ITPR2: variants seen among roughly 807,000 people sequenced by gnomAD.
ITPR2 encodes inositol 1,4,5-trisphosphate receptor type 2.
A neutral mutation model predicts 317.1 loss-of-function variants in ITPR2; 207 were observed. The observed-to-expected ratio is 0.65, with a 90% CI of 0.58 to 0.73. ITPR2 has a LOEUF of 0.73. Ranked by LOEUF, ITPR2 falls within the 30% of genes least tolerant of loss-of-function variation. The pLI is 0.00. For synonymous variants in ITPR2, 1,156 were observed against 1,149.1 expected, an observed-to-expected ratio of 1.01 and a Z score of -0.12; for missense variants, 2,613 against 3,284.0, an observed-to-expected ratio of 0.80 and a Z score of 4.99.
intron 21 of ITPR2, among the ~76,000 whole-genome samples, chr12:26,632,418 T>A (rs1005865629): frequency 6.6e-6 from 1 of 152,168 alleles, no homozygotes; most frequent in Non-Finnish European, 1.5e-5. Context: ...CAAAAGAAGA[T>A]TACTAATCGC....
intron 35 of ITPR2, among the ~76,000 whole-genome samples, chr12:26,559,547 C>CCA (rs1944757221): frequency 2.5e-5 from 2 of 78,756 alleles, no homozygotes; most frequent in African/African-American, 7.4e-5. Flanking sequence ...AAGACATCAC[C>CCA]TCCTAATACT....
intron 56 of ITPR2, 139 bp from the exon 57 acceptor site, chr12:26,339,622 A>ATT (rs34679762): frequency 1.9e-5 from 12 of 616,716 alleles, no homozygotes; most frequent in Admixed American, 6.0e-5. Flanking sequence ...CAAAAAAGGG[A>ATT]TTTTTTTAAA....
At chr12:26,340,696 C>T (rs1232084365) in intron 55 of ITPR2, among the ~76,000 whole-genome samples, 1 of 152,096 alleles carries the variant, frequency 6.6e-6, no homozygotes, top group Non-Finnish European at 1.5e-5. Flanking sequence ...TTTCTCTTTC[C>T]CCCTGGCACA....
At chr12:26,616,854 A>G (rs61920357) in intron 26 of ITPR2, among the ~76,000 whole-genome samples, 20,533 of 152,208 alleles carry the variant, frequency 0.13, 1,887 homozygotes, top group Admixed American at 0.19. Context: ...CTCAACATGA[A>G]GATGATGAGG....
intron 26 of ITPR2, among the ~76,000 whole-genome samples, chr12:26,614,091 C>T (rs1946326579): frequency 6.6e-6 from 1 of 151,934 alleles, no homozygotes; most frequent in African/African-American, 2.4e-5. Context: ...TGCAAAGAAC[C>T]CTCCTATTAC....
chr12:26,792,139 T>C (rs1592135967), intron 1 of ITPR2, among the ~76,000 whole-genome samples: 1 of 152,096 alleles, frequency 6.6e-6, no homozygotes, highest in South Asian at 2.1e-4. Flanking sequence ...CTCAATTATC[T>C]GATAGCCCAG....
intron 37 of ITPR2, among the ~76,000 whole-genome samples, chr12:26,507,887 G>A (rs903857999): frequency 6.6e-6 from 1 of 151,950 alleles, no homozygotes; most frequent in African/African-American, 2.4e-5. Flanking sequence ...GTGTGTGTGT[G>A]TGTGTGTATG....
At position 26,578,775 on chromosome 12, in the gene ITPR2, G is replaced by C. The variant is rs1459712991; in HGVS notation, c.4568C>G (p.Thr1523Ser). Residue 1523 changes from threonine to serine, a missense_variant, in exon 34 of 57, where the codon ACC becomes AGC. Around this residue, in one of 9 missense-constraint regions of ITPR2, gnomAD observed 926 missense variants for 1,072.8 expected, o/e 0.86. Coordinates refer to ENST00000381340, the MANE Select transcript of ITPR2 (RefSeq NM_002223.4). ...GGCTTTCTGCGCTGGGTTTGGCCAG[G>C]TGCAATTGTAAATTCTGAAGGCAGA... ...LQSAFRIYNC[T>S]WPNPAQKASV... The C allele has an allele frequency of 6.2e-7, 1 of 1,611,352 alleles. No homozygotes were observed. Among genetic ancestry groups the C allele is most frequent in the Admixed American group, 1.7e-5 (1 of 59,984 alleles).
chr12:26,451,155 TAAAG>T (rs1941731124), intron 45 of ITPR2, among the ~76,000 whole-genome samples: 1 of 151,978 alleles, frequency 6.6e-6, no homozygotes, highest in Non-Finnish European at 1.5e-5. Context: ...GAGAAAGCCT[TAAAG>T]AAAGCACAAC....
intron 2 of ITPR2, among the ~76,000 whole-genome samples, chr12:26,776,602 C>G (rs527677402): frequency 2.0e-5 from 3 of 152,226 alleles, no homozygotes; most frequent in South Asian, 2.1e-4. Context: ...ATGGGAGGAC[C>G]CTGATGAAGC....
chr12:26,499,226 C>T (rs1014470086), intron 37 of ITPR2, among the ~76,000 whole-genome samples: 5 of 152,110 alleles, frequency 3.3e-5, no homozygotes, highest in Non-Finnish European at 4.4e-5. Flanking sequence ...AAATTCTCTT[C>T]GGCAGATATA....
chr12:26,599,849 T>C (rs1945951433), intron 29 of ITPR2, 138 bp downstream of exon 29: 5 of 602,708 alleles, frequency 8.3e-6, no homozygotes, highest in Non-Finnish European at 1.1e-5. Context: ...AAAAAAGATA[T>C]TCACTTCTGG....
intron 9 of ITPR2, among the ~76,000 whole-genome samples, chr12:26,703,723 C>A (rs1948498315): frequency 6.6e-6 from 1 of 152,112 alleles, no homozygotes; most frequent in South Asian, 2.1e-4. Context: ...TTTCTGTAAA[C>A]TAAAATTATT....
At chr12:26,558,567 GTTTCTGCTCTTTGAAACAC>G (rs1189758122) in intron 35 of ITPR2, among the ~76,000 whole-genome samples, 3 of 152,110 alleles carry the variant, frequency 2.0e-5, no homozygotes, top group Admixed American at 6.5e-5. Context: ...TTACACACTG[GTTTCTGCTCTTTGAAACAC>G]TTTCTGCTCT....
chr12:26,815,910 G>A (rs957064681), intron 1 of ITPR2, among the ~76,000 whole-genome samples: 15 of 151,782 alleles, frequency 9.9e-5, no homozygotes, highest in Non-Finnish European at 1.8e-4. Context: ...TGGCTAACAC[G>A]GTGAAACCCC....
At chr12:26,711,121 T>C in intron 9 of ITPR2, 52 bp downstream of exon 9, 1 of 1,293,156 alleles carries the variant, frequency 7.7e-7, no homozygotes, top group African/African-American at 1.5e-5. Flanking sequence ...CAACTGCCTC[T>C]TTCACTAATT....
intron 51 of ITPR2, among the ~76,000 whole-genome samples, chr12:26,412,208 A>C (rs894846590): frequency 6.6e-6 from 1 of 152,202 alleles, no homozygotes; most frequent in African/African-American, 2.4e-5. Context: ...TTTCCCAGCA[A>C]TGCCACACCA....
intron 2 of ITPR2, among the ~76,000 whole-genome samples, chr12:26,789,938 C>T (rs1293350717): frequency 6.6e-6 from 1 of 152,158 alleles, no homozygotes; most frequent in African/African-American, 2.4e-5. Context: ...AACAGATAGA[C>T]CATTGTCTGG....
intron 48 of ITPR2, among the ~76,000 whole-genome samples, chr12:26,435,498 A>G (rs938216526): frequency 6.6e-6 from 1 of 152,172 alleles, no homozygotes; most frequent in Non-Finnish European, 1.5e-5. Flanking sequence ...AAAGTTATTT[A>G]CCAGATTGTA....
Sources: gnomAD v4.1 joint callset for allele counts (sites outside exome capture counted in the v4.1 genomes callset) on GRCh38, gnomAD v4.1.1 for gene constraint, gnomAD v4.1.1 regional missense constraint, MANE v1.5 for transcripts, NCBI Gene and HGNC (gene_info 2026-07-23, HGNC 2026-07-21) for gene names.